AGBL4: variants seen among roughly 807,000 people sequenced by gnomAD.
AGBL4 encodes the protein cytosolic carboxypeptidase 6.
A neutral mutation model predicts 66.4 loss-of-function variants in AGBL4; 58 were observed. The ratio of observed to expected loss-of-function variants is 0.87; its 90% CI spans 0.71 to 1.09. AGBL4 has a LOEUF of 1.09. Ranked by LOEUF, AGBL4 falls within the 50% of genes least tolerant of loss-of-function variation. The probability of loss-of-function intolerance (pLI) is 0.00; values close to 1 mark genes in which losing one functional copy is unlikely to be tolerated. For synonymous variants in AGBL4, 234 were observed against 222.9 expected, an observed-to-expected ratio of 1.05 and a Z score of -0.44; for missense variants, 579 against 631.0, an observed-to-expected ratio of 0.92 and a Z score of 0.88.
At chr1:49,428,796 C>G (rs1645721889) in intron 3 of AGBL4, among the ~76,000 whole-genome samples, 1 of 152,236 alleles carries the variant, frequency 6.6e-6, no homozygotes. Flanking sequence ...CAGAGCCAAT[C>G]TGGTTCACTT....
At chr1:49,943,523 C>T (rs932342320) in intron 1 of AGBL4, among the ~76,000 whole-genome samples, 2 of 151,990 alleles carry the variant, frequency 1.3e-5, no homozygotes, top group Admixed American at 1.3e-4. Flanking sequence ...ACTGGGGAAC[C>T]TGAAGGTCTA....
At chr1:48,896,567 G>A (rs1651529155) in intron 5 of AGBL4, among the ~76,000 whole-genome samples, 1 of 152,194 alleles carries the variant, frequency 6.6e-6, no homozygotes, top group Admixed American at 6.5e-5. Flanking sequence ...GAAGCCCAGA[G>A]AGGTGAAGAC....
At chr1:49,850,269 T>C (rs1479700477) in intron 2 of AGBL4, among the ~76,000 whole-genome samples, 1 of 152,024 alleles carries the variant, frequency 6.6e-6, no homozygotes, top group Admixed American at 6.6e-5. Context: ...GAGATTAGAG[T>C]GATGCTTCTG....
At chr1:49,311,569 T>C (rs1384622696) in intron 3 of AGBL4, among the ~76,000 whole-genome samples, 1 of 151,944 alleles carries the variant, frequency 6.6e-6, no homozygotes, top group African/African-American at 2.4e-5. Flanking sequence ...AAATGAAGCA[T>C]TTACATAAAT....
chr1:49,267,006 G>A (rs1316329951), intron 3 of AGBL4, among the ~76,000 whole-genome samples: 1 of 152,176 alleles, frequency 6.6e-6, no homozygotes, highest in East Asian at 1.9e-4. Context: ...TCTACTCTGA[G>A]GAAACGCATA....
chr1:48,544,382 T>C (rs562066814), intron 11 of AGBL4, among the ~76,000 whole-genome samples: 31 of 152,178 alleles, frequency 2.0e-4, no homozygotes, highest in Non-Finnish European at 3.7e-4. Flanking sequence ...GCAGCAAACA[T>C]TGTGGAGGCA....
chr1:49,952,999 G>A (rs914160608), intron 1 of AGBL4, among the ~76,000 whole-genome samples: 1 of 151,904 alleles, frequency 6.6e-6, no homozygotes, highest in South Asian at 2.1e-4. Flanking sequence ...TCCATGAGTA[G>A]TACAGAATTA....
At chr1:49,096,439 C>G (rs1645104304) in intron 4 of AGBL4, among the ~76,000 whole-genome samples, 1 of 151,768 alleles carries the variant, frequency 6.6e-6, no homozygotes, top group South Asian at 2.1e-4. Context: ...GGAACCAACC[C>G]AAATGTCCAA....
At chr1:49,503,444 C>T (rs1648378439) in intron 3 of AGBL4, among the ~76,000 whole-genome samples, 1 of 152,148 alleles carries the variant, frequency 6.6e-6, no homozygotes, top group Non-Finnish European at 1.5e-5. Flanking sequence ...CCTAGTGGAA[C>T]TGTGAGAAGG....
chr1:49,349,343 C>T (rs1204216464), intron 3 of AGBL4, among the ~76,000 whole-genome samples: 2 of 152,220 alleles, frequency 1.3e-5, no homozygotes, highest in South Asian at 2.1e-4. Context: ...TCAGAACCTA[C>T]TTCACTACTC....
At chr1:49,875,033 T>C (rs1646948736) in intron 1 of AGBL4, among the ~76,000 whole-genome samples, 1 of 141,662 alleles carries the variant, frequency 7.1e-6, no homozygotes, top group Admixed American at 7.6e-5. Flanking sequence ...TGTCCATGTA[T>C]TCTCATTGTT....
chr1:48,725,602 T>C (rs987080953), intron 6 of AGBL4, among the ~76,000 whole-genome samples: 4 of 152,212 alleles, frequency 2.6e-5, no homozygotes, highest in African/African-American at 4.8e-5. Flanking sequence ...ACCACAATTT[T>C]CCACTCATCT....
chr1:48,959,476 T>C (rs1657775088), intron 5 of AGBL4, among the ~76,000 whole-genome samples: 1 of 152,150 alleles, frequency 6.6e-6, no homozygotes, highest in Admixed American at 6.5e-5. Flanking sequence ...GAGTTTATGC[T>C]TTAATAGAAG....
rs189328167 is a variant in AGBL4 at position 49,918,641 on chromosome 1, G to A, written c.35-67123C>T. Among the ~76,000 whole-genome samples, 630 of 151,958 alleles carry A rather than the reference G, an allele frequency of 4.1e-3. 6 individuals are homozygous for A. Among genetic ancestry groups the A allele is most frequent in the African/African-American group, 0.014 (592 of 41,462 alleles). On this transcript the variant is annotated intron_variant, in intron 1 of 13. Coordinates refer to ENST00000371839, the MANE Select transcript of AGBL4 (RefSeq NM_032785.4). The stretch of plus-strand genomic sequence containing the variant: ...TCCAGGACCAGATGGATTCACAGCC[G>A]AATTCTACCAGAGGTACAAAAAGGA...
Position 48,666,025 on chromosome 1 carries a change from T to C in AGBL4, c.635-2784A>G, listed in dbSNP as rs372146719. On this transcript the variant is annotated intron_variant, in intron 6 of 13. Transcript: ENST00000371839. ...TCTTCATAAAATGATAACATGGGGC[T>C]AATAAAAATCAAGCATCTCGGGTGC... Among the ~76,000 whole-genome samples the C allele has an allele frequency of 5.9e-5, 9 of 152,324 alleles. No homozygotes were observed. In the East Asian group the frequency reaches 1.7e-3, roughly 29 times the overall value.
chr1:49,587,749 C>T (rs1183097891), intron 3 of AGBL4, among the ~76,000 whole-genome samples: 1 of 152,112 alleles, frequency 6.6e-6, no homozygotes, highest in Non-Finnish European at 1.5e-5. Context: ...TTACTCCCCA[C>T]AACAGCAACT....
In AGBL4 at chr1:48,587,181, G is replaced by A. The variant is rs1408758253; in HGVS notation, c.1105-15C>T. 2.6e-6 allele frequency: 4 copies of A among 1,535,644 alleles called. No individual in the cohort carries two copies. Among genetic ancestry groups the A allele is most frequent in the Admixed American group, 2.0e-5 (1 of 49,102 alleles). ...GATGTGCTGGACTGTGAAAGACAGA[G>A]TAGGGAGGAGAGAATCACGGCACCT... is the stretch of plus-strand genomic sequence containing the variant. On this transcript the variant is annotated splice_polypyrimidine_tract_variant and intron_variant, in intron 10 of 13. Coordinates refer to ENST00000371839, the MANE Select transcript of AGBL4 (RefSeq NM_032785.4).
At chr1:49,919,409 T>C (rs1377131412) in intron 1 of AGBL4, among the ~76,000 whole-genome samples, 2 of 152,148 alleles carry the variant, frequency 1.3e-5, no homozygotes, top group African/African-American at 2.4e-5. Context: ...ACAAAATCAA[T>C]GTGCAAAAAT....
At chr1:49,696,288 C>G (rs897943758) in intron 3 of AGBL4, among the ~76,000 whole-genome samples, 1 of 151,958 alleles carries the variant, frequency 6.6e-6, no homozygotes, top group Non-Finnish European at 1.5e-5. Context: ...TTCAAGCATA[C>G]GTTTTTAGTT....
Sources: gnomAD v4.1 joint callset for allele counts (sites outside exome capture counted in the v4.1 genomes callset) on GRCh38, gnomAD v4.1.1 for gene constraint, MANE v1.5 for transcripts, NCBI Gene and HGNC (gene_info 2026-07-23, HGNC 2026-07-21) for gene names.